The following CA10 variants were observed in gnomAD, a reference collection of about 807,000 sequenced individuals.
The protein encoded by CA10 is carbonic anhydrase 10 (inactive).
CA10 carries 14 observed loss-of-function variants against 44.2 expected under a neutral mutation model. That is an observed-to-expected ratio of 0.32 (90% confidence interval 0.21 to 0.50). The LOEUF (loss-of-function observed/expected upper bound fraction) is 0.50. Among genes scored for constraint, CA10 ranks in the 20% least tolerant of loss-of-function variants. CA10 has a pLI of 0.99. For synonymous variants in CA10, 159 were observed against 141.6 expected (o/e 1.12, Z -0.87); for missense variants, 350 against 409.7 (o/e 0.85, Z 1.26).
At position 51,700,736 on chromosome 17, in the gene CA10, G is replaced by C. The variant is rs569830320; in HGVS notation, c.465+46897C>G. Among the ~76,000 whole-genome samples the C allele has an allele frequency of 3.3e-5, 5 of 152,250 alleles. 1 individual carries two copies. In the Middle Eastern group the frequency reaches 0.017, roughly 518 times the overall value. On this transcript the variant is annotated intron_variant, in intron 4 of 8. Coordinates refer to ENST00000451037, the MANE Select transcript of CA10 (RefSeq NM_020178.5). ...CGCCTAACATTCCGTAAGTGGTCAC[G>C]TTCCTGGGCTGTCGGAACACCACAA...
chr17:52,152,810 A>C (rs916604779), intron 1 of CA10, among the ~76,000 whole-genome samples: 3 of 152,124 alleles, frequency 2.0e-5, no homozygotes, highest in Non-Finnish European at 4.4e-5. Context: ...CACTCTCTGA[A>C]GTTTCCCTCA....
At chr17:51,720,448 G>C (rs1916318603) in intron 4 of CA10, among the ~76,000 whole-genome samples, 1 of 152,226 alleles carries the variant, frequency 6.6e-6, no homozygotes, top group Non-Finnish European at 1.5e-5. Context: ...CAACTCAGTA[G>C]AGGGTTGAAA....
intron 2 of CA10, among the ~76,000 whole-genome samples, chr17:52,003,001 A>G (rs771479611): frequency 2.0e-5 from 3 of 151,976 alleles, no homozygotes; most frequent in Non-Finnish European, 4.4e-5. Flanking sequence ...TACCTTCAGA[A>G]ATAAGGAGAC....
At chr17:51,805,981 C>A (rs1907118858) in intron 3 of CA10, among the ~76,000 whole-genome samples, 1 of 152,162 alleles carries the variant, frequency 6.6e-6, no homozygotes, top group Non-Finnish European at 1.5e-5. Flanking sequence ...GAGGGCATAG[C>A]AAAGGCTAGG....
At chr17:51,739,462 G>GCA (rs534201152) in intron 4 of CA10, among the ~76,000 whole-genome samples, 2 of 152,116 alleles carry the variant, frequency 1.3e-5, no homozygotes, top group Non-Finnish European at 2.9e-5. Context: ...TTCCGATGAA[G>GCA]CATCAGCAGG....
At chr17:51,695,109 T>C (rs1316200134) in intron 4 of CA10, among the ~76,000 whole-genome samples, 1 of 152,234 alleles carries the variant, frequency 6.6e-6, no homozygotes, top group Admixed American at 6.5e-5. Flanking sequence ...AGCTTTGTTC[T>C]TTTTGCTTAG....
At chr17:51,988,767 A>C (rs1483856015) in intron 2 of CA10, among the ~76,000 whole-genome samples, 1 of 152,042 alleles carries the variant, frequency 6.6e-6, no homozygotes, top group Non-Finnish European at 1.5e-5. Flanking sequence ...TGTTCAATAG[A>C]GATACAATAG....
At chr17:51,887,813 AACCCC>A (rs1980675730) in intron 3 of CA10, among the ~76,000 whole-genome samples, 1 of 151,124 alleles carries the variant, frequency 6.6e-6, no homozygotes, top group African/African-American at 2.4e-5. Flanking sequence ...AAGATGGTGA[AACCCC>A]TAAACCCCTT....
intron 4 of CA10, among the ~76,000 whole-genome samples, chr17:51,728,197 A>G (rs991073629): frequency 1.3e-5 from 2 of 152,114 alleles, no homozygotes; most frequent in African/African-American, 4.8e-5. Context: ...ACCTTTAAAT[A>G]CTTTTTATTT....
At chr17:52,073,692 CT>C (rs1363254620) in intron 1 of CA10, among the ~76,000 whole-genome samples, 2 of 152,184 alleles carry the variant, frequency 1.3e-5, no homozygotes, top group Non-Finnish European at 2.9e-5. Flanking sequence ...CTTATTGCCC[CT>C]GTGGTGTGGA....
chr17:52,050,444 T>G (rs1000595237), intron 2 of CA10, among the ~76,000 whole-genome samples: 1 of 152,084 alleles, frequency 6.6e-6, no homozygotes, highest in African/African-American at 2.4e-5. Flanking sequence ...TAGTTGATTC[T>G]CCCCACAACG....
intron 4 of CA10, among the ~76,000 whole-genome samples, chr17:51,732,622 C>T (rs1916760022): frequency 6.6e-6 from 1 of 152,204 alleles, no homozygotes; most frequent in African/African-American, 2.4e-5. Context: ...CCCCACCATA[C>T]AGGCAGGTAA....
chr17:51,726,085 G>T (rs955636236), intron 4 of CA10, among the ~76,000 whole-genome samples: 1 of 152,174 alleles, frequency 6.6e-6, no homozygotes, highest in African/African-American at 2.4e-5. Context: ...GGATTTGATA[G>T]GCAAACAGGG....
chr17:52,122,758 G>A (rs1376893973), intron 1 of CA10, among the ~76,000 whole-genome samples: 1 of 152,126 alleles, frequency 6.6e-6, no homozygotes, highest in Non-Finnish European at 1.5e-5. Flanking sequence ...ACGCCTCTTG[G>A]GTTCAACTGC....
intron 2 of CA10, among the ~76,000 whole-genome samples, chr17:51,954,967 T>C (rs1240342006): frequency 6.6e-6 from 1 of 152,142 alleles, no homozygotes; most frequent in African/African-American, 2.4e-5. Flanking sequence ...TTTCAGGCTG[T>C]CAAGATTCAC....
At chr17:51,858,260 C>T (rs952438494) in intron 3 of CA10, among the ~76,000 whole-genome samples, 6 of 151,934 alleles carry the variant, frequency 3.9e-5, no homozygotes, top group African/African-American at 7.3e-5. Context: ...GAAGGGACAT[C>T]GGTATTAAAA....
At chr17:52,067,603 A>G (rs964845330) in intron 2 of CA10, among the ~76,000 whole-genome samples, 3 of 152,202 alleles carry the variant, frequency 2.0e-5, no homozygotes, top group Non-Finnish European at 4.4e-5. Flanking sequence ...AGATCCACCA[A>G]TAGCTTGCAA....
chr17:51,902,861 G>A (rs953793349), intron 3 of CA10, among the ~76,000 whole-genome samples: 4 of 152,180 alleles, frequency 2.6e-5, no homozygotes, highest in African/African-American at 4.8e-5. Context: ...GTAGCTTATA[G>A]TGGGGAAGCA....
chr17:51,829,995 G>A (rs1224190602), intron 3 of CA10, among the ~76,000 whole-genome samples: 10 of 152,056 alleles, frequency 6.6e-5, no homozygotes, highest in South Asian at 2.1e-4. Flanking sequence ...TTAAGAGATC[G>A]AGACCATTCT....
Sources: gnomAD v4.1 joint callset for allele counts (sites outside exome capture counted in the v4.1 genomes callset) on GRCh38, gnomAD v4.1.1 for gene constraint, MANE v1.5 for transcripts, NCBI Gene and HGNC (gene_info 2026-07-23, HGNC 2026-07-21) for gene names.